The following DENND3 variants were observed in gnomAD, a reference collection of about 807,000 sequenced individuals.
DENND3 encodes DENN domain-containing protein 3.
DENND3 carries 88 observed loss-of-function variants against 135.1 expected under a neutral mutation model. The ratio of observed to expected loss-of-function variants is 0.65; its 90% CI spans 0.55 to 0.78. The LOEUF is 0.78. Among genes scored for constraint, DENND3 ranks in the 30% least tolerant of loss-of-function variants. The pLI is 0.00. For missense variants in DENND3, 1,392 were observed against 1,688.4 expected (o/e 0.82, Z 3.08); for synonymous variants, 693 against 712.3 (o/e 0.97, Z 0.43).
chr8:141,155,612 G>A (rs932288887), intron 7 of DENND3, among the ~76,000 whole-genome samples: 1 of 152,044 alleles, frequency 6.6e-6, no homozygotes, highest in Non-Finnish European at 1.5e-5. Flanking sequence ...TCACTGTGTT[G>A]TTCAGGCTGG....
At chr8:141,142,242 C>T (rs895294979) in intron 4 of DENND3, 6 of 395,198 alleles carry the variant, frequency 1.5e-5, no homozygotes, top group Non-Finnish European at 2.5e-5. Context: ...TGCACGGAGC[C>T]GTTTCTTTTG....
rs1411418482 is a variant in DENND3 at position 141,168,342 on chromosome 8, A to G, written c.2092A>G (p.Met698Val). The change falls in exon 13 of 23, where the codon ATG becomes GTG. Residue 698 changes from methionine to valine, a missense_variant. Transcript: ENST00000519811. The surrounding 1 kb of genome is among the most constrained non-coding windows in gnomAD (Gnocchi z 6.2). ...WEGAEQAPEL[M>V]RLISEILDKP... ...GGGGGCTGAGCAGGCGCCGGAGCTG[A>G]TGAGGCTCATCAGCGAGATCCTGGA... is the stretch of plus-strand genomic sequence containing the variant. The G allele has an allele frequency of 6.2e-7, 1 of 1,613,910 alleles. No individual in the cohort carries two copies.
intron 5 of DENND3, among the ~76,000 whole-genome samples, chr8:141,145,826 TA>T (rs1569555452): frequency 0.023 from 1,383 of 60,134 alleles, 132 homozygotes; most frequent in East Asian, 0.068. Flanking sequence ...TATATATATA[TA>T]TATATATATA....
At chr8:141,156,706 C>T (rs571782087) in intron 8 of DENND3, among the ~76,000 whole-genome samples, 1 of 152,164 alleles carries the variant, frequency 6.6e-6, no homozygotes, top group African/African-American at 2.4e-5. Context: ...TTCTGATGGG[C>T]ATGACGCATT....
chr8:141,136,818 G>GC (rs1816847214), intron 2 of DENND3, 27 bp downstream of exon 2: 1 of 1,515,562 alleles, frequency 6.6e-7, no homozygotes, highest in African/African-American at 1.4e-5. Flanking sequence ...GGCACCACTG[G>GC]GCGCCTCCTG....
chr8:141,136,686 G>C lies in DENND3; in HGVS notation c.280G>C (p.Glu94Gln), dbSNP rs1816826640. 11 of 1,613,204 alleles carry C rather than the reference G, an allele frequency of 6.8e-6. No individual in the cohort carries two copies. In the East Asian group the frequency reaches 2.5e-4, roughly 36 times the overall value. ...LRKKREKPRP[E>Q]QWKGLPGPPR... ...AAAGAAGAGAGAGAAGCCCAGACCA[G>C]AGCAGTGGAAGGGCCTCCCGGGGCC... Residue 94 changes from glutamate to glutamine, a missense_variant, in exon 2 of 23, where the codon GAG becomes CAG. Glu to Gln is a conservative substitution (Grantham distance 29, BLOSUM62 2). Coordinates refer to ENST00000519811, the MANE Select transcript of DENND3 (RefSeq NM_001352890.3).
intron 17 of DENND3, among the ~76,000 whole-genome samples, chr8:141,183,329 T>G (rs1424456692): frequency 2.0e-5 from 3 of 152,150 alleles, no homozygotes; most frequent in Non-Finnish European, 4.4e-5. Context: ...CACTGCAACC[T>G]CTGCCTCCTG....
chr8:141,179,910 G>A (rs892431754), intron 16 of DENND3, among the ~76,000 whole-genome samples: 2 of 152,238 alleles, frequency 1.3e-5, no homozygotes, highest in African/African-American at 4.8e-5. Context: ...AGTCCTGGAC[G>A]CAGGAGGTCG....
At position 141,195,779 on chromosome 8, in the gene DENND3, G is replaced by A. The variant is rs868808682; in HGVS notation, c.*1546G>A. On this transcript the variant is annotated 3_prime_UTR_variant, in exon 23 of 23. Transcript: ENST00000519811. ...GTAACCTCAGGTATCTTCAGCTTGTGGAGAATAAATCTGGTTTAATAAACA... is the reference window on the plus strand; with the variant it reads ...GTAACCTCAGGTATCTTCAGCTTGTAGAGAATAAATCTGGTTTAATAAACA... The A allele has an allele frequency of 1.2e-4, 18 of 152,120 alleles. No individual in the cohort carries two copies. Among genetic ancestry groups the A allele is most frequent in the African/African-American group, 4.1e-4 (17 of 41,390 alleles). 9.4% of individuals were successfully genotyped at this position (152,120 alleles called of 1,614,324 possible). A position where few individuals can be genotyped will look rare whatever the true frequency, so the allele number is the denominator to read the frequency against.
At chr8:141,190,662 G>A (rs1050582446) in intron 20 of DENND3, 25 of 482,066 alleles carry the variant, frequency 5.2e-5, no homozygotes, top group Middle Eastern at 1.1e-3. Context: ...TTGCCTGGAC[G>A]CACCACTGCT....
At chr8:141,186,167 C>T (rs547328442) in intron 18 of DENND3, among the ~76,000 whole-genome samples, 2 of 152,220 alleles carry the variant, frequency 1.3e-5, no homozygotes, top group South Asian at 4.2e-4. Flanking sequence ...CGATGTCTTC[C>T]ATCCTGTACT....
At position 141,168,020 on chromosome 8, in the gene DENND3, G is replaced by C. The variant is rs528860293; in HGVS notation, c.1770G>C (p.Pro590=). The C allele has an allele frequency of 6.2e-7, 1 of 1,608,722 alleles. No individual in the cohort carries two copies. The highest frequency in any genetic ancestry group is 1.7e-5 in the Admixed American group (1 of 59,968). Reference sequence around the variant, plus strand: ...ATGTTTTAGTTCTGAATGTCACGCCGAAGTCCCCGTATACATTCAAGATTC... The same window carrying C: ...ATGTTTTAGTTCTGAATGTCACGCCCAAGTCCCCGTATACATTCAAGATTC... The part of the protein sequence containing the change: ...RGSSAVLNVT[P]KSPYTFKIPE... Residue 590 remains proline (P), a synonymous_variant, in exon 13 of 23, where the codon CCG becomes CCC. Coordinates refer to ENST00000519811, the MANE Select transcript of DENND3 (RefSeq NM_001352890.3). This position sits in a 1 kb window ranked among gnomAD's most constrained non-coding sequence, Gnocchi z 6.2.
At chr8:141,134,822 T>G (rs1387759734) in intron 1 of DENND3, among the ~76,000 whole-genome samples, 1 of 152,140 alleles carries the variant, frequency 6.6e-6, no homozygotes, top group Admixed American at 6.5e-5. Context: ...CCCATTTCTC[T>G]GGATGGCAGT....
chr8:141,143,726 A>G (rs1817734465), intron 4 of DENND3, among the ~76,000 whole-genome samples: 1 of 152,140 alleles, frequency 6.6e-6, no homozygotes, highest in Non-Finnish European at 1.5e-5. Context: ...TTTAAATTGT[A>G]TACAGTACTT....
In DENND3 at chr8:141,160,718, G is replaced by A. The variant is rs918100292; in HGVS notation, c.1283G>A (p.Arg428Gln). 8 of 1,613,060 alleles carry A rather than the reference G, an allele frequency of 5.0e-6. No individual in the cohort carries two copies. Among genetic ancestry groups the A allele is most frequent in the African/African-American group, 1.3e-5 (1 of 74,920 alleles). ...TDLKEGRAHR[R>Q]SWQQKLNCQI... is the part of the protein sequence containing the mutation. The stretch of plus-strand genomic sequence containing the variant: ...CTGAAGGAGGGCCGAGCCCACCGGC[G>A]GTCCTGGCAGCAGAAACTCAACTGC... The change falls in exon 9 of 23, where the codon CGG (arginine) becomes CAG (glutamine). Residue 428 changes from arginine to glutamine, a missense_variant. Arg to Gln is a conservative substitution (Grantham distance 43, BLOSUM62 1). Transcript: ENST00000519811.
In DENND3 at chr8:141,182,419, C is replaced by G. The variant is rs1234637917; in HGVS notation, c.2944+1565C>G. 1.0e-6 allele frequency: 1 copy of G among 985,358 alleles called. No individual in the cohort carries two copies. The highest frequency in any genetic ancestry group is 1.7e-5 in the African/African-American group (1 of 57,252). 61.0% of individuals were successfully genotyped at this position (985,358 alleles called of 1,614,324 possible). A position where few individuals can be genotyped will look rare whatever the true frequency, so the allele number is the denominator to read the frequency against. ...CCCTACCTGATGTGTCTAAGCCAGGCTCTGTGCTGACTTCGCCAGAGATGA... is the reference window on the plus strand; with the variant it reads ...CCCTACCTGATGTGTCTAAGCCAGGGTCTGTGCTGACTTCGCCAGAGATGA... On this transcript the variant is annotated intron_variant, in intron 17 of 22. Coordinates refer to ENST00000519811, the MANE Select transcript of DENND3 (RefSeq NM_001352890.3). The surrounding 1 kb of genome is among the most constrained non-coding windows in gnomAD (Gnocchi z 5.9).
Position 141,185,167 on chromosome 8 carries a change from A to G in DENND3, c.2973A>G (p.Glu991=), listed in dbSNP as rs764013867. 3.1e-6 allele frequency: 5 copies of G among 1,613,940 alleles called. No homozygotes were observed. The South Asian group carries it at 4.4e-5, about 14-fold the overall frequency. ...PGHLDPAEKV[E]DAHPKLWCAL... The stretch of plus-strand genomic sequence containing the variant: ...ATCTTGACCCAGCCGAAAAAGTTGA[A>G]GATGCTCACCCCAAGTTATGGTGTG... The change falls in exon 18 of 23, where the codon GAA becomes GAG. Residue 991 remains glutamate (E), a synonymous_variant. Transcript: ENST00000519811.
chr8:141,160,237 G>A (rs537229281), intron 8 of DENND3, among the ~76,000 whole-genome samples: 1 of 151,022 alleles, frequency 6.6e-6, no homozygotes, highest in Non-Finnish European at 1.5e-5. Flanking sequence ...AGAGTGCAGC[G>A]GCACTATCTC....
intron 5 of DENND3, chr8:141,150,256 G>T: frequency 8.2e-7 from 1 of 1,223,528 alleles, no homozygotes. Context: ...TGAAGGAACT[G>T]AACCTTCTCC....
Sources: allele counts gnomAD v4.1 joint callset (sites outside exome capture counted in the v4.1 genomes callset), GRCh38; gene constraint gnomAD v4.1.1; non-coding constraint Gnocchi (gnomAD v3.1); transcripts MANE v1.5; gene names NCBI Gene and HGNC (gene_info 2026-07-23, HGNC 2026-07-21).